RCN3: variants seen among roughly 807,000 people sequenced by gnomAD.
RCN3 encodes reticulocalbin-3.
In RCN3, 41 loss-of-function variants were observed where a neutral mutation model predicts 35.9. The ratio of observed to expected loss-of-function variants is 1.14; its 90% CI spans 0.89 to 1.48. The LOEUF (loss-of-function observed/expected upper bound fraction) is 1.48, where lower values mean the gene tolerates loss of function less well. RCN3 is among the 40% of genes most tolerant of loss of function. RCN3 has a pLI of 0.00. For synonymous variants in RCN3, 187 were observed against 193.4 expected (o/e 0.97, Z 0.27); for missense variants, 451 against 471.3 (o/e 0.96, Z 0.40).
rs2080174018 is a variant in RCN3, at chr19:49,543,533, C to T, written c.*320C>T. On this transcript the variant is annotated 3_prime_UTR_variant, in exon 7 of 7. Coordinates refer to ENST00000270645, the MANE Select transcript of RCN3 (RefSeq NM_020650.3). ...CCCTCCAGCTCCAAATCTGAGCCTC[C>T]ACCACATAGACTGAAACTCCCCTGG... 2.7e-6 allele frequency: 1 copy of T among 368,850 alleles called. No individual in the cohort carries two copies. The highest frequency in any genetic ancestry group is 5.1e-6 in the Non-Finnish European group (1 of 195,052). The allele number at this position is 368,850 out of a possible 1,614,324, so 22.8% of individuals were successfully genotyped here.
Position 49,534,407 on chromosome 19 carries a change from GC to G in RCN3, c.445+17del. The G allele has an allele frequency of 6.5e-7, 1 of 1,537,286 alleles. No individual in the cohort carries two copies. ...CCACTACGCGCCCGGTACGCGGCGA[GC>G]CCCCGACCCTGCTCCCCATACACCG... On this transcript the variant is annotated intron_variant, in intron 3 of 6. Coordinates refer to ENST00000270645, the MANE Select transcript of RCN3 (RefSeq NM_020650.3).
chr19:49,537,593 G>A (rs1023672695), intron 4 of RCN3, among the ~76,000 whole-genome samples: 2 of 150,360 alleles, frequency 1.3e-5, no homozygotes, highest in Admixed American at 6.6e-5. Context: ...TGCAACCTCC[G>A]CCTCCCGGGT....
intron 6 of RCN3, 101 bp from the exon 7 acceptor site, chr19:49,543,005 G>C (rs1343863148): frequency 2.2e-5 from 22 of 1,011,252 alleles, no homozygotes; most frequent in Non-Finnish European, 3.4e-5. Context: ...CAGAGGCCCA[G>C]AGAACAAGGG....
At position 49,534,351 on chromosome 19, in the gene RCN3, G is replaced by C. The variant is rs200618256; in HGVS notation, c.401G>C (p.Gly134Ala). 1.5e-3 allele frequency: 2,357 copies of C among 1,534,872 alleles called. 3 individuals carry two copies. The highest frequency in any genetic ancestry group is 2.0e-3 in the Non-Finnish European group (2,275 of 1,142,028). ...GACACGGACCGCGACGGGCGTGTGG[G>C]TTGGGAGGAGCTGCGCAACGCCACC... ...TYDTDRDGRV[G>A]WEELRNATYG... The change falls in exon 3 of 7, where the codon GGT becomes GCT. Residue 134 changes from glycine (G) to alanine (A), a missense_variant. Gly to Ala is a moderately conservative substitution (Grantham distance 60, BLOSUM62 0). Transcript: ENST00000270645.
intron 3 of RCN3, among the ~76,000 whole-genome samples, chr19:49,536,491 G>A (rs1434050652): frequency 6.7e-6 from 1 of 149,244 alleles, no homozygotes; most frequent in Non-Finnish European, 1.5e-5. Flanking sequence ...AGTAGAGAAG[G>A]AGTTTCACCA....
At position 49,542,662 on chromosome 19, in the gene RCN3, G is replaced by A. The variant is rs768491301; in HGVS notation, c.789G>A (p.Gly263=). 7.5e-6 allele frequency: 12 copies of A among 1,601,468 alleles called. No individual in the cohort carries two copies. Among genetic ancestry groups the A allele is most frequent in the Non-Finnish European group, 9.4e-6 (11 of 1,175,248 alleles). The change falls in exon 6 of 7, where the codon GGG becomes GGA. Residue 263 remains glycine (G), a synonymous_variant. Transcript: ENST00000270645. ...TGAACAAGGATGGGCACCTGGATGG[G>A]AGTGAGGTGGGCCACTGGGTGCTGC... ...RDLNKDGHLD[G]SEVGHWVLPP...
At chr19:49,529,475 C>T (rs1053412952) in intron 2 of RCN3, among the ~76,000 whole-genome samples, 3 of 152,162 alleles carry the variant, frequency 2.0e-5, no homozygotes, top group African/African-American at 7.2e-5. Flanking sequence ...TGGGAGCAGC[C>T]GCCTTCTTCT....
At chr19:49,540,934 T>C (rs929570058) in intron 5 of RCN3, among the ~76,000 whole-genome samples, 17 of 137,562 alleles carry the variant, frequency 1.2e-4, no homozygotes, top group Non-Finnish European at 1.9e-4. Context: ...CCCCATCTCT[T>C]TTTTTTTTTT....
chr19:49,529,265 T>G (rs2080096991), intron 2 of RCN3, among the ~76,000 whole-genome samples: 1 of 152,162 alleles, frequency 6.6e-6, no homozygotes, highest in South Asian at 2.1e-4. Flanking sequence ...CTCCTTATTC[T>G]TTTGTCCCAG....
At position 49,534,346 on chromosome 19, in the gene RCN3, T is replaced by A; in HGVS notation, c.396T>A (p.Arg132=). 1 of 1,529,988 alleles carries A rather than the reference T, an allele frequency of 6.5e-7. No individual in the cohort carries two copies. The highest frequency in any genetic ancestry group is 1.2e-5 in the South Asian group (1 of 82,074). 94.8% of individuals were successfully genotyped at this position (1,529,988 alleles called of 1,614,324 possible). Residue 132 remains arginine (R), a synonymous_variant, in exon 3 of 7, where the codon CGT becomes CGA. Transcript: ENST00000270645. ...WDTYDTDRDG[R]VGWEELRNAT... The stretch of plus-strand genomic sequence containing the variant: ...CGTACGACACGGACCGCGACGGGCG[T>A]GTGGGTTGGGAGGAGCTGCGCAACG...
chr19:49,541,300 C>T (rs549402376), intron 5 of RCN3, among the ~76,000 whole-genome samples: 1 of 152,256 alleles, frequency 6.6e-6, no homozygotes, highest in South Asian at 2.1e-4. Flanking sequence ...CAGACACTGT[C>T]ACTATCCTCC....
chr19:49,533,603 T>C (rs558416171), intron 2 of RCN3, among the ~76,000 whole-genome samples: 17 of 151,566 alleles, frequency 1.1e-4, no homozygotes, highest in African/African-American at 4.1e-4. Flanking sequence ...CCTCAGGCAG[T>C]GCCTGATTCA....
Position 49,540,916 on chromosome 19 carries a change from G to A in RCN3, c.680-1637G>A, listed in dbSNP as rs572033668. ...AGGAGGTCACAGGCCCCAGATGCCA[G>A]CAGCTGTCCCCATCTCTTTTTTTTT... On this transcript the variant is annotated intron_variant, in intron 5 of 6. Transcript: ENST00000270645. 1.7e-3 allele frequency among the ~76,000 whole-genome samples: 249 copies of A among 149,598 alleles called. 1 individual carries two copies. The highest frequency in any genetic ancestry group is 5.9e-3 in the African/African-American group (241 of 40,662).
At chr19:49,535,893 G>GATAGAT (rs1555811324) in intron 3 of RCN3, among the ~76,000 whole-genome samples, 3 of 147,644 alleles carry the variant, frequency 2.0e-5, no homozygotes, top group African/African-American at 5.0e-5. Context: ...TAGATAGATA[G>GATAGAT]ATAGATATAG....
Position 49,543,502 on chromosome 19 carries a change from C to T in RCN3, c.*289C>T. 1 of 436,372 alleles carries T rather than the reference C, an allele frequency of 2.3e-6. No individual in the cohort carries two copies. The allele number at this position is 436,372 out of a possible 1,614,324, so 27.0% of individuals were successfully genotyped here. ...CCCCAAGCTCAGCTCTAAGAACCGC[C>T]CCAACCCCTCCAGCTCCAAATCTGA... is the stretch of plus-strand genomic sequence containing the variant. On this transcript the variant is annotated 3_prime_UTR_variant, in exon 7 of 7. Transcript: ENST00000270645.
chr19:49,538,465 C>G (rs913912961), intron 4 of RCN3, among the ~76,000 whole-genome samples: 1 of 151,954 alleles, frequency 6.6e-6, no homozygotes, highest in Non-Finnish European at 1.5e-5. Flanking sequence ...CCACGCCCGG[C>G]CATGCCTGGC....
chr19:49,531,389 G>T (rs1471538094), intron 2 of RCN3, among the ~76,000 whole-genome samples: 1 of 152,238 alleles, frequency 6.6e-6, no homozygotes, highest in Non-Finnish European at 1.5e-5. Context: ...AAAGCGGGCG[G>T]ATTGCCTGAG....
chr19:49,528,679 C>T lies in RCN3; in HGVS notation c.207C>T (p.Asp69=). 6.2e-7 allele frequency: 1 copy of T among 1,607,030 alleles called. No individual in the cohort carries two copies. The highest frequency in any genetic ancestry group is 8.5e-7 in the Non-Finnish European group (1 of 1,176,678). ...GACGGGAAGTGGCCAAGGAATTCGACCAACTCACCCCAGAGGAAAGCCAGG... is the reference window on the plus strand; with the variant it reads ...GACGGGAAGTGGCCAAGGAATTCGATCAACTCACCCCAGAGGAAAGCCAGG... ...FLGREVAKEF[D]QLTPEESQAR... The change falls in exon 2 of 7, where the codon GAC becomes GAT. Residue 69 remains aspartate (D), a synonymous_variant. Coordinates refer to ENST00000270645, the MANE Select transcript of RCN3 (RefSeq NM_020650.3).
In RCN3 at chr19:49,534,277, G is replaced by A. The variant is rs1334652332; in HGVS notation, c.327G>A (p.Thr109=). ...AGCTTCGCGCGTGGATCGCGCACAC[G>A]CAGCAGCGGCACATACGGGACTCGG... The part of the protein sequence containing the change: ...LAELRAWIAH[T]QQRHIRDSVS... The change falls in exon 3 of 7, where the codon ACG becomes ACA. Residue 109 remains threonine, a synonymous_variant. Transcript: ENST00000270645. The A allele has an allele frequency of 1.4e-6, 2 of 1,461,150 alleles. No individual in the cohort carries two copies. The highest frequency in any genetic ancestry group is 2.8e-5 in the South Asian group (2 of 71,988). The allele number at this position is 1,461,150 out of a possible 1,614,324, so 90.5% of individuals were successfully genotyped here.
Sources: gnomAD v4.1 joint callset for allele counts (sites outside exome capture counted in the v4.1 genomes callset) on GRCh38, gnomAD v4.1.1 for gene constraint, MANE v1.5 for transcripts, NCBI Gene and HGNC (gene_info 2026-07-23, HGNC 2026-07-21) for gene names.